The following CCDC13 variants were observed in gnomAD, a reference collection of about 807,000 sequenced individuals.
CCDC13 encodes coiled-coil domain-containing protein 13.
A neutral mutation model predicts 87.3 loss-of-function variants in CCDC13; 70 were observed. The ratio of observed to expected loss-of-function variants is 0.80; its 90% CI spans 0.66 to 0.98. The LOEUF (loss-of-function observed/expected upper bound fraction) is 0.98, where lower values mean the gene tolerates loss of function less well. Among genes scored for constraint, CCDC13 ranks in the 50% least tolerant of loss-of-function variants. The probability of loss-of-function intolerance (pLI) is 0.00; values close to 1 mark genes in which losing one functional copy is unlikely to be tolerated. For missense variants in CCDC13, 842 were observed against 892.0 expected, an observed-to-expected ratio of 0.94 and a Z score of 0.71; for synonymous variants, 317 against 360.3, an observed-to-expected ratio of 0.88 and a Z score of 1.36.
chr3:42,705,003 G>T (rs1039806534), downstream of CCDC13: 7 of 152,338 alleles, frequency 4.6e-5, no homozygotes, highest in African/African-American at 1.7e-4. Flanking sequence ...TGTATCAGTT[G>T]TGTGTGGGTC....
intron 13 of CCDC13, among the ~76,000 whole-genome samples, chr3:42,717,277 T>C (rs3916333): frequency 0.2 from 30,522 of 151,598 alleles, 3,183 homozygotes; most frequent in East Asian, 0.29. Flanking sequence ...AATACAAAAA[T>C]TAGCTGGGCA....
At chr3:42,713,456 A>C in intron 13 of CCDC13, 140 bp from the exon 14 acceptor site, 1 of 791,536 alleles carries the variant, frequency 1.3e-6, no homozygotes, top group Non-Finnish European at 2.0e-6. Flanking sequence ...GCAGTAACAC[A>C]GGAACATGCA....
At position 42,735,775 on chromosome 3, in the gene CCDC13, C is replaced by A. The variant is rs1257992888; in HGVS notation, c.1303G>T (p.Ala435Ser). ...RSNSLVAQLQ[A>S]MVAEREAKVR... is the part of the protein sequence containing the mutation. Reference sequence around the variant, plus strand: ...TTGGCCTCCCGCTCAGCTACCATGGCCTGCAGCTGGGCGACTAGGCTGTTG... The same window carrying A: ...TTGGCCTCCCGCTCAGCTACCATGGACTGCAGCTGGGCGACTAGGCTGTTG... The change falls in exon 10 of 16, where the codon GCC becomes TCC. Residue 435 changes from alanine (A) to serine (S), a missense_variant. By Grantham distance (99) the Ala-to-Ser change is moderately conservative. Transcript: ENST00000310232. 1.9e-6 allele frequency: 3 copies of A among 1,614,234 alleles called. No homozygotes were observed. The highest frequency in any genetic ancestry group is 2.5e-6 in the Non-Finnish European group (3 of 1,180,032).
intron 1 of CCDC13, among the ~76,000 whole-genome samples, chr3:42,770,194 C>T (rs1559667510): frequency 6.6e-6 from 1 of 152,238 alleles, no homozygotes; most frequent in Non-Finnish European, 1.5e-5. Flanking sequence ...CCAATCAGCA[C>T]TCTGTATCTA....
intron 13 of CCDC13, chr3:42,717,951 A>T (rs1481066678): frequency 6.6e-6 from 1 of 152,182 alleles, no homozygotes; most frequent in East Asian, 1.9e-4. Context: ...AGCTGGGTCT[A>T]ACGATGTGTC....
At chr3:42,704,602 T>C (rs1263755479), downstream of CCDC13, 1 of 152,284 alleles carries the variant, frequency 6.6e-6, no homozygotes, top group African/African-American at 2.4e-5. Context: ...AGGCCTTCCC[T>C]GGGTGACCCA....
At position 42,742,938 on chromosome 3, in the gene CCDC13, C is replaced by G; in HGVS notation, c.945G>C (p.Leu315=). The G allele has an allele frequency of 6.2e-7, 1 of 1,614,148 alleles. No homozygotes were observed. Among genetic ancestry groups the G allele is most frequent in the African/African-American group, 1.3e-5 (1 of 75,066 alleles). Residue 315 remains leucine (L), a synonymous_variant, in exon 8 of 16, where the codon CTG becomes CTC. Transcript: ENST00000310232. ...TTTCCCTTTCCAGGCTGCGGATCCT[C>G]AGCAGGTTTTTCTCCTGTGCCGACA... ...RKLSAQEKNL[L]RIRSLEREKQ...
chr3:42,742,071 A>G (rs914534259), intron 8 of CCDC13, among the ~76,000 whole-genome samples: 1 of 152,166 alleles, frequency 6.6e-6, no homozygotes, highest in African/African-American at 2.4e-5. Flanking sequence ...TACCTTCTTT[A>G]AAGTGGCCCC....
At chr3:42,743,600 T>TATATATACACAC in intron 7 of CCDC13, among the ~76,000 whole-genome samples, 3 of 125,796 alleles carry the variant, frequency 2.4e-5, no homozygotes, top group Non-Finnish European at 4.8e-5. Flanking sequence ...TATATATATA[T>TATATATACACAC]ACACACACAC....
chr3:42,709,955 G>A (rs575944354), intron 14 of CCDC13, among the ~76,000 whole-genome samples, 157 bp from the exon 15 acceptor site: 146 of 152,130 alleles, frequency 9.6e-4, no homozygotes, highest in African/African-American at 3.2e-3. Context: ...GCCTCCCTCC[G>A]AAGCCCTCCC....
At chr3:42,766,439 CA>C (rs1699933951) in intron 1 of CCDC13, among the ~76,000 whole-genome samples, 2 of 151,976 alleles carry the variant, frequency 1.3e-5, no homozygotes, top group South Asian at 4.2e-4. Context: ...GCCTGCTGTT[CA>C]GAAAACCAAT....
rs1251428313 is a variant in CCDC13 at position 42,773,207 on chromosome 3, C to G, written c.-38G>C. On this transcript the variant is annotated 5_prime_UTR_variant, in exon 1 of 16. Coordinates refer to ENST00000310232, the MANE Select transcript of CCDC13 (RefSeq NM_144719.4). ...CTCTCTCCACTTCTCCCTTCTAGGA[C>G]CGCGGCGGCTAGGTCACCTCCTCCG... The G allele has an allele frequency of 3.9e-5, 6 of 152,232 alleles. No homozygotes were observed. Among genetic ancestry groups the G allele is most frequent in the Non-Finnish European group, 2.9e-5 (2 of 68,050 alleles). The allele number at this position is 152,232 out of a possible 1,614,324, so 9.4% of individuals were successfully genotyped here. A position where few individuals can be genotyped will look rare whatever the true frequency, so the allele number is the denominator to read the frequency against.
At chr3:42,714,035 C>A (rs1179450711) in intron 13 of CCDC13, 1 of 152,316 alleles carries the variant, frequency 6.6e-6, no homozygotes, top group East Asian at 1.9e-4. Flanking sequence ...CTGTTCCCTG[C>A]AGGCTGCTGG....
intron 13 of CCDC13, among the ~76,000 whole-genome samples, chr3:42,715,113 A>G (rs1357014109): frequency 2.7e-5 from 4 of 150,276 alleles, no homozygotes; most frequent in African/African-American, 7.4e-5. Flanking sequence ...CCTGGCCAAC[A>G]TGGTGAAACC....
At chr3:42,766,608 G>GAA (rs34691284) in intron 1 of CCDC13, among the ~76,000 whole-genome samples, 18,699 of 137,730 alleles carry the variant, frequency 0.14, 1,459 homozygotes, top group Middle Eastern at 0.2. Context: ...CTGTCTCAAA[G>GAA]AAAAAAAAAA....
chr3:42,768,622 G>A (rs1338102284), intron 1 of CCDC13, among the ~76,000 whole-genome samples: 5 of 151,906 alleles, frequency 3.3e-5, no homozygotes, highest in Non-Finnish European at 5.9e-5. Flanking sequence ...GCTTGAACCC[G>A]GGAGGTGGAG....
Position 42,751,995 on chromosome 3 carries a change from T to C in CCDC13, c.544A>G (p.Lys182Glu), listed in dbSNP as rs771550362. The change falls in exon 5 of 16, where the codon AAG becomes GAG. Residue 182 changes from lysine to glutamate, a missense_variant. By Grantham distance (56) the Lys-to-Glu change is moderately conservative. Transcript: ENST00000310232. ...LQTALTRLSAKGATDAGAKPP... is the reference protein window; with the variant it reads ...LQTALTRLSAEGATDAGAKPP... ...TTGGCTCCTGCGTCGGTGGCCCCCT[T>C]GGCTGACAGCCTGGTCAGGGCTGTC... 3.1e-6 allele frequency: 5 copies of C among 1,609,342 alleles called. No homozygotes were observed. The Admixed American group carries it at 8.3e-5, about 27-fold the overall frequency.
intron 8 of CCDC13, among the ~76,000 whole-genome samples, chr3:42,740,374 A>T (rs1699176155): frequency 6.6e-6 from 1 of 152,114 alleles, no homozygotes; most frequent in Admixed American, 6.5e-5. Context: ...GGAGTCTCTC[A>T]TTCAATCATC....
intron 1 of CCDC13, among the ~76,000 whole-genome samples, chr3:42,761,017 T>C (rs1274347347): frequency 1.3e-5 from 2 of 152,174 alleles, no homozygotes; most frequent in Non-Finnish European, 2.9e-5. Context: ...CAGTTTCTTG[T>C]ACATTCTTGA....
Sources: gnomAD v4.1 joint callset for allele counts (sites outside exome capture counted in the v4.1 genomes callset) on GRCh38, gnomAD v4.1.1 for gene constraint, MANE v1.5 for transcripts, NCBI Gene and HGNC (gene_info 2026-07-23, HGNC 2026-07-21) for gene names.